The following LAMA3 variants were observed in gnomAD, a reference collection of about 807,000 sequenced individuals.
LAMA3 encodes the protein laminin subunit alpha-3.
LAMA3 carries 281 observed loss-of-function variants against 402.0 expected under a neutral mutation model. The observed-to-expected ratio is 0.70, with a 90% CI of 0.63 to 0.77. The LOEUF is 0.77. LAMA3 is among the 30% of genes least tolerant of loss of function. The pLI is 0.00. For synonymous variants in LAMA3, 1,431 were observed against 1,558.4 expected, an observed-to-expected ratio of 0.92 and a Z score of 1.93; for missense variants, 3,840 against 4,215.5, an observed-to-expected ratio of 0.91 and a Z score of 2.47.
chr18:23,807,498 G>A (rs2062986718), intron 12 of LAMA3, among the ~76,000 whole-genome samples: 1 of 152,002 alleles, frequency 6.6e-6, no homozygotes, highest in African/African-American at 2.4e-5. Flanking sequence ...GTCTGTGTGT[G>A]TATGTGTGTG....
At chr18:23,850,348 C>T (rs1353496881) in intron 32 of LAMA3, among the ~76,000 whole-genome samples, 1 of 152,222 alleles carries the variant, frequency 6.6e-6, no homozygotes, top group Non-Finnish European at 1.5e-5. Context: ...ACAATACTCA[C>T]TCTTTACTTA....
chr18:23,950,780 T>C (rs927164699), intron 72 of LAMA3, among the ~76,000 whole-genome samples: 5 of 152,210 alleles, frequency 3.3e-5, no homozygotes, highest in Admixed American at 2.0e-4. Flanking sequence ...ATGCCCAAAA[T>C]TCCTAGAATA....
At chr18:23,701,887 T>G (rs1312907085) in intron 1 of LAMA3, among the ~76,000 whole-genome samples, 1 of 152,106 alleles carries the variant, frequency 6.6e-6, no homozygotes, top group Non-Finnish European at 1.5e-5. Flanking sequence ...TTGGAGTGAT[T>G]GAGAAACAGC....
rs1316435321 is a variant in LAMA3 at position 23,907,886 on chromosome 18, G to A, written c.6966G>A (p.Arg2322=). 6.2e-7 allele frequency: 1 copy of A among 1,614,062 alleles called. No homozygotes were observed. Among genetic ancestry groups the A allele is most frequent in the Non-Finnish European group, 8.5e-7 (1 of 1,180,020 alleles). The change falls in exon 54 of 75, where the codon AGG becomes AGA. Residue 2322 remains arginine, a synonymous_variant. Transcript: ENST00000313654. ...AAAGAATTAAGGACACCTATGGGAG[G>A]ACACAGAACGAAGACTTCAAAAAGG... The part of the protein sequence containing the change: ...DVERIKDTYG[R]TQNEDFKKAL...
chr18:23,903,055 A>G lies in LAMA3; in HGVS notation c.6248A>G (p.Tyr2083Cys), dbSNP rs752416501. 1.9e-6 allele frequency: 3 copies of G among 1,613,092 alleles called. No homozygotes were observed. Among genetic ancestry groups the G allele is most frequent in the East Asian group, 2.2e-5 (1 of 44,866 alleles). The stretch of plus-strand genomic sequence containing the variant: ...TCCCTGCAGAGTGATTTCACCAAGT[A>G]TCTAACCACTGCAGACTCATCTTTG... ...INSLQSDFTK[Y>C]LTTADSSLLQ... is the part of the protein sequence containing the mutation. The change falls in exon 49 of 75, where the codon TAT (tyrosine) becomes TGT (cysteine). Residue 2083 changes from tyrosine (Y) to cysteine (C), a missense_variant. Tyr to Cys is a radical substitution (Grantham distance 194). Around this residue, in one of 3 missense-constraint regions of LAMA3, gnomAD observed 891 missense variants for 857.5 expected, o/e 1.04. Coordinates refer to ENST00000313654, the MANE Select transcript of LAMA3 (RefSeq NM_198129.4).
intron 6 of LAMA3, among the ~76,000 whole-genome samples, chr18:23,756,679 GC>G (rs1427286838): frequency 6.6e-5 from 10 of 152,178 alleles, no homozygotes; most frequent in Non-Finnish European, 1.3e-4. Flanking sequence ...CAGGAAAGGG[GC>G]TCCAAAACTG....
At chr18:23,784,255 A>G in intron 12 of LAMA3, 98 bp downstream of exon 12, 1 of 1,456,808 alleles carries the variant, frequency 6.9e-7, no homozygotes, top group Non-Finnish European at 9.6e-7. Context: ...TCTGGCTTGC[A>G]GTTTAATAAA....
chr18:23,913,008 G>A (rs1312409877), intron 56 of LAMA3, 127 bp downstream of exon 56: 10 of 888,302 alleles, frequency 1.1e-5, no homozygotes, highest in East Asian at 2.5e-5. Context: ...CTGAGACATC[G>A]ACAAATCCCT....
intron 4 of LAMA3, 49 bp downstream of exon 4, chr18:23,749,595 G>A (rs373515655): frequency 1.3e-5 from 14 of 1,106,426 alleles, no homozygotes; most frequent in Admixed American, 3.4e-5. Context: ...AAATGACCAT[G>A]AGGATATCCA....
chr18:23,928,863 AT>A, intron 64 of LAMA3, 98 bp downstream of exon 64: 1 of 1,157,200 alleles, frequency 8.6e-7, no homozygotes. Context: ...GGAGTTGTAC[AT>A]TTTTTCTATC....
chr18:23,891,760 G>T (rs563552113), intron 42 of LAMA3, among the ~76,000 whole-genome samples: 1 of 152,322 alleles, frequency 6.6e-6, no homozygotes, highest in East Asian at 1.9e-4. Context: ...GTCAGTGCAG[G>T]GTAGGTTAGA....
chr18:23,902,195 A>G (rs2081094672), intron 48 of LAMA3, among the ~76,000 whole-genome samples: 1 of 152,100 alleles, frequency 6.6e-6, no homozygotes, highest in Non-Finnish European at 1.5e-5. Context: ...TCATAGTGGC[A>G]TGAGCCTGTA....
intron 1 of LAMA3, among the ~76,000 whole-genome samples, chr18:23,702,685 G>T (rs2060812732): frequency 6.7e-6 from 1 of 148,666 alleles, no homozygotes; most frequent in Admixed American, 6.9e-5. Flanking sequence ...GCCCAGCAGG[G>T]GAGATACATG....
chr18:23,753,886 C>T lies in LAMA3; in HGVS notation c.947+74C>T, dbSNP rs968536747. 50 of 981,176 alleles carry T rather than the reference C, an allele frequency of 5.1e-5. No homozygotes were observed. The Middle Eastern group carries it at 6.1e-4, about 12-fold the overall frequency. The allele number at this position is 981,176 out of a possible 1,614,324, so 60.8% of individuals were successfully genotyped here. ...ATTATTTCAGTGGATGTTTGCATCC[C>T]GTTAAATGTTTCTAGGTTCCTGTCC... On this transcript the variant is annotated intron_variant, in intron 6 of 74. Transcript: ENST00000313654.
chr18:23,704,828 G>A (rs2060855826), intron 1 of LAMA3, among the ~76,000 whole-genome samples: 1 of 130,828 alleles, frequency 7.6e-6, no homozygotes. Flanking sequence ...GAGGAATATA[G>A]TATTTACATT....
At chr18:23,904,406 C>T in intron 50 of LAMA3, 147 bp from the exon 51 acceptor site, 1 of 953,296 alleles carries the variant, frequency 1.0e-6, no homozygotes, top group Non-Finnish European at 1.6e-6. Context: ...GAGACTCTGC[C>T]ATCTCTTTAT....
chr18:23,755,925 A>G (rs1210046154), intron 6 of LAMA3, among the ~76,000 whole-genome samples: 1 of 152,196 alleles, frequency 6.6e-6, no homozygotes, highest in Non-Finnish European at 1.5e-5. Flanking sequence ...AAAAGCAGTG[A>G]TTTGGCAGTG....
Position 23,899,072 on chromosome 18 carries a change from A to G in LAMA3, c.5836+7A>G, listed in dbSNP as rs1236838228. ...GTCATCCGGAATGTGCACAGTAAGAAGAGTTATTAAGCCCAATTACATTTT... is the reference window on the plus strand; with the variant it reads ...GTCATCCGGAATGTGCACAGTAAGAGGAGTTATTAAGCCCAATTACATTTT... On this transcript the variant is annotated splice_region_variant and intron_variant, in intron 46 of 74. Transcript: ENST00000313654. The G allele has an allele frequency of 1.2e-6, 2 of 1,600,626 alleles. No homozygotes were observed. The highest frequency in any genetic ancestry group is 1.7e-6 in the Non-Finnish European group (2 of 1,168,026).
chr18:23,914,868 T>A lies in LAMA3; in HGVS notation c.7644+8T>A. 1 of 1,593,486 alleles carries A rather than the reference T, an allele frequency of 6.3e-7. No homozygotes were observed. The highest frequency in any genetic ancestry group is 8.6e-7 in the Non-Finnish European group (1 of 1,161,482). ...TACCCACCTGATTTTAAAGTAAGTG[T>A]AAATGTTATTTCACTGAATTAAATA... is the stretch of plus-strand genomic sequence containing the variant. On this transcript the variant is annotated splice_region_variant and intron_variant, in intron 58 of 74. Coordinates refer to ENST00000313654, the MANE Select transcript of LAMA3 (RefSeq NM_198129.4).
Sources: gnomAD v4.1 joint callset for allele counts (sites outside exome capture counted in the v4.1 genomes callset) on GRCh38, gnomAD v4.1.1 for gene constraint, gnomAD v4.1.1 regional missense constraint, MANE v1.5 for transcripts, NCBI Gene and HGNC (gene_info 2026-07-23, HGNC 2026-07-21) for gene names.